Variants in CDH23 observed in about 807,000 individuals in gnomAD.
CDH23 encodes the protein cadherin related 23.
Under a neutral mutation model 317.1 loss-of-function variants are expected in CDH23, and 189 were observed. That is an observed-to-expected ratio of 0.60 (90% CI 0.53 to 0.67). CDH23 has a LOEUF of 0.67. Ranked by LOEUF, CDH23 falls within the 30% of genes least tolerant of loss-of-function variation. The pLI, the probability that CDH23 is intolerant of heterozygous loss-of-function variation, is 0.00. For missense variants in CDH23, 4,401 were observed against 4,592.4 expected (o/e 0.96, Z 1.20); for synonymous variants, 1,839 against 1,876.8 (o/e 0.98, Z 0.52).
At chr10:71,799,650 T>C (rs776039209) in intron 52 of CDH23, 21 bp downstream of exon 52, 1 of 1,613,944 alleles carries the variant, frequency 6.2e-7, no homozygotes. Flanking sequence ...ATGGAGGGCC[T>C]GGAATTTGGA....
At chr10:71,759,845 A>G (rs1188911698) in intron 38 of CDH23, among the ~76,000 whole-genome samples, 3 of 25,508 alleles carry the variant, frequency 1.2e-4, no homozygotes, top group African/African-American at 3.0e-4. Flanking sequence ...ACACACACAC[A>G]CATATACACA....
At chr10:71,777,542 AC>A in intron 38 of CDH23, 137 bp from the exon 39 acceptor site, 1 of 723,818 alleles carries the variant, frequency 1.4e-6, no homozygotes, top group Non-Finnish European at 2.3e-6. Flanking sequence ...CCAGCCTGTG[AC>A]CCACCCCCTG....
At chr10:71,524,260 G>A (rs565940433) in intron 6 of CDH23, among the ~76,000 whole-genome samples, 10 of 152,316 alleles carry the variant, frequency 6.6e-5, no homozygotes, top group East Asian at 1.9e-4. Context: ...GCGCACGGTG[G>A]GGACTCAGCG....
At chr10:71,530,153 A>T (rs1481763438) in intron 6 of CDH23, among the ~76,000 whole-genome samples, 1 of 151,954 alleles carries the variant, frequency 6.6e-6, no homozygotes, top group African/African-American at 2.4e-5. Context: ...TATATGCTTC[A>T]GCAGCTCCTA....
intron 6 of CDH23, among the ~76,000 whole-genome samples, chr10:71,538,844 C>A (rs1354127130): frequency 6.6e-6 from 1 of 152,184 alleles, no homozygotes; most frequent in Non-Finnish European, 1.5e-5. Context: ...TCTTACCGCT[C>A]AGTATAGATG....
At chr10:71,444,302 A>G (rs963610228) in intron 2 of CDH23, among the ~76,000 whole-genome samples, 11 of 152,248 alleles carry the variant, frequency 7.2e-5, no homozygotes, top group African/African-American at 2.7e-4. Context: ...TCCTATTATT[A>G]TGGCTATTTT....
chr10:71,428,652 G>A (rs1344452832), intron 1 of CDH23, among the ~76,000 whole-genome samples: 1 of 151,148 alleles, frequency 6.6e-6, no homozygotes, highest in Non-Finnish European at 1.5e-5. Context: ...GCAGTGGCGC[G>A]ATCTCAGCTC....
chr10:71,798,573 C>T lies in CDH23; in HGVS notation c.7049C>T (p.Ser2350Leu), dbSNP rs371522435. 8.2e-5 allele frequency: 132 copies of T among 1,607,324 alleles called. No homozygotes were observed. The African/African-American group carries it at 1.3e-3, about 15-fold the overall frequency. ...PPGYVQLEDS[S>L]AGKVIANRTV... ...GGGTATGTCCAGCTGGAGGACTCCT[C>T]GGCAGGTAGGTTAGAAATCTGTCAG... Residue 2350 changes from serine (S) to leucine (L), a missense_variant, in exon 50 of 70, where the codon TCG becomes TTG. Around this residue, in one of 3 missense-constraint regions of CDH23, gnomAD observed 189 missense variants for 250.9 expected, o/e 0.75. Coordinates refer to ENST00000224721, the MANE Select transcript of CDH23 (RefSeq NM_022124.6).
chr10:71,549,387 C>A (rs1856460178), intron 6 of CDH23, among the ~76,000 whole-genome samples: 1 of 152,202 alleles, frequency 6.6e-6, no homozygotes, highest in South Asian at 2.1e-4. Flanking sequence ...AGAGTCCCAG[C>A]CTGTGGGGTT....
chr10:71,415,593 A>C (rs1032349981), intron 1 of CDH23, among the ~76,000 whole-genome samples: 11 of 152,210 alleles, frequency 7.2e-5, no homozygotes, highest in Admixed American at 2.6e-4. Flanking sequence ...ATACATACAT[A>C]GCTCATTGTT....
At chr10:71,514,151 G>A (rs1207780941) in intron 6 of CDH23, among the ~76,000 whole-genome samples, 1 of 152,078 alleles carries the variant, frequency 6.6e-6, no homozygotes, top group Non-Finnish European at 1.5e-5. Context: ...CTTCTCTCCA[G>A]CCATCTAGCA....
chr10:71,523,608 A>G (rs529367394), intron 6 of CDH23, among the ~76,000 whole-genome samples: 1 of 152,272 alleles, frequency 6.6e-6, no homozygotes, highest in East Asian at 1.9e-4. Context: ...GGAAATAAAT[A>G]AATAAGTGAG....
At chr10:71,583,174 C>T (rs985909748) in intron 9 of CDH23, among the ~76,000 whole-genome samples, 6 of 142,970 alleles carry the variant, frequency 4.2e-5, no homozygotes, top group Non-Finnish European at 7.4e-5. Context: ...AGAGACTCTG[C>T]AGTAGGAGAG....
chr10:71,525,759 A>T (rs1252776233), intron 6 of CDH23, among the ~76,000 whole-genome samples: 1 of 152,088 alleles, frequency 6.6e-6, no homozygotes, highest in African/African-American at 2.4e-5. Context: ...AGCATCCGTG[A>T]CCCTCCTGGG....
chr10:71,672,883 G>A (rs899463495), intron 14 of CDH23, among the ~76,000 whole-genome samples: 1 of 152,002 alleles, frequency 6.6e-6, no homozygotes, highest in Admixed American at 6.6e-5. Flanking sequence ...CATCCCCAGG[G>A]CTCAGATGTG....
At chr10:71,717,679 A>C (rs1447327344) in intron 28 of CDH23, 2 of 152,256 alleles carry the variant, frequency 1.3e-5, no homozygotes, top group Non-Finnish European at 2.9e-5. Flanking sequence ...CTCTCAAGGA[A>C]GTGGAGGGGC....
At chr10:71,790,144 GC>G (rs1787898978) in intron 45 of CDH23, 143 bp from the exon 46 acceptor site, 6 of 1,136,934 alleles carry the variant, frequency 5.3e-6, no homozygotes, top group Middle Eastern at 3.0e-4. Context: ...CCGCAGGCCC[GC>G]CCCCAGGGCC....
In CDH23 at chr10:71,646,572, C is replaced by G; in HGVS notation, c.1404C>G (p.Ser468Arg). The G allele has an allele frequency of 1.2e-6, 2 of 1,613,994 alleles. No homozygotes were observed. Among genetic ancestry groups the G allele is most frequent in the Non-Finnish European group, 1.7e-6 (2 of 1,179,892 alleles). The change falls in exon 14 of 70, where the codon AGC becomes AGG. Residue 468 changes from serine (S) to arginine (R), a missense_variant. Around this residue, in one of 3 missense-constraint regions of CDH23, gnomAD observed 3,068 missense variants for 3,203.3 expected, o/e 0.96. Coordinates refer to ENST00000224721, the MANE Select transcript of CDH23 (RefSeq NM_022124.6). ...TCAGCCAGCCACTGTACAACATCAGCCTGTACGAGAACGTCACCGTGGGGA... is the reference window on the plus strand; with the variant it reads ...TCAGCCAGCCACTGTACAACATCAGGCTGTACGAGAACGTCACCGTGGGGA... ...PIFSQPLYNI[S>R]LYENVTVGTS...
intron 6 of CDH23, among the ~76,000 whole-genome samples, chr10:71,517,773 G>C (rs1011804420): frequency 6.6e-6 from 1 of 152,180 alleles, no homozygotes; most frequent in African/African-American, 2.4e-5. Flanking sequence ...ATAAATCATC[G>C]CAGGGGCTCT....
Sources: gnomAD v4.1 joint callset for allele counts (sites outside exome capture counted in the v4.1 genomes callset) on GRCh38, gnomAD v4.1.1 for gene constraint, gnomAD v4.1.1 regional missense constraint, MANE v1.5 for transcripts, NCBI Gene and HGNC (gene_info 2026-07-23, HGNC 2026-07-21) for gene names.